The following AP5M1 variants were observed in gnomAD, a reference collection of about 807,000 sequenced individuals.
AP5M1 encodes the protein adaptor related protein complex 5 subunit mu 1, also known as AP-5 complex subunit mu-1.
AP5M1 carries 44 observed loss-of-function variants against 52.3 expected under a neutral mutation model. That is an observed-to-expected ratio of 0.84 (90% confidence interval 0.66 to 1.08). The LOEUF is 1.08. Ranked by LOEUF, AP5M1 falls within the 50% of genes least tolerant of loss-of-function variation. The pLI is 0.00. For missense variants in AP5M1, 526 were observed against 568.4 expected (o/e 0.93, Z 0.76); for synonymous variants, 213 against 199.0 (o/e 1.07, Z -0.59).
intron 7 of AP5M1, 180 bp downstream of exon 7, chr14:57,286,499 T>G (rs1885312640): frequency 6.0e-6 from 3 of 500,434 alleles, no homozygotes; most frequent in Admixed American, 3.7e-5. Context: ...CTCTGCCGCC[T>G]TCTTGTTTAT....
rs183816170 is a variant in AP5M1, at chr14:57,298,721, A to C, written c.*9837A>C. The C allele has an allele frequency of 4.9e-4, 74 of 152,274 alleles. No homozygotes were observed. Among genetic ancestry groups the C allele is most frequent in the African/African-American group, 1.8e-3 (74 of 41,568 alleles). 9.4% of individuals were successfully genotyped at this position (152,274 alleles called of 1,614,324 possible). On this transcript the variant is annotated 3_prime_UTR_variant, in exon 8 of 8. Transcript: ENST00000261558. Reference sequence around the variant, plus strand: ...GTTGCTTGAATGGGTGTTTGGAGTTAATAAAATGGCTGTACAATTGAGTGG... The same window carrying C: ...GTTGCTTGAATGGGTGTTTGGAGTTCATAAAATGGCTGTACAATTGAGTGG...
rs986757698 is a variant in AP5M1, at chr14:57,293,002, G to T, written c.*4118G>T. On this transcript the variant is annotated 3_prime_UTR_variant, in exon 8 of 8. Transcript: ENST00000261558. ...AAGTGACAGCATTACCAAAATAGCC[G>T]AGTAATTAAATTTTTTCTGCCTGCC... The T allele has an allele frequency of 6.6e-6, 1 of 151,222 alleles. No individual in the cohort carries two copies. The highest frequency in any genetic ancestry group is 1.5e-5 in the Non-Finnish European group (1 of 67,634). 9.4% of individuals were successfully genotyped at this position (151,222 alleles called of 1,614,324 possible). A position where few individuals can be genotyped will look rare whatever the true frequency, so the allele number is the denominator to read the frequency against.
chr14:57,292,619 A>G lies in AP5M1; in HGVS notation c.*3735A>G, dbSNP rs144236670. On this transcript the variant is annotated 3_prime_UTR_variant, in exon 8 of 8. Coordinates refer to ENST00000261558, the MANE Select transcript of AP5M1 (RefSeq NM_018229.4). Reference sequence around the variant, plus strand: ...TGAAGAAAGAAGAAACAAAGACTACATTCTAAGTATTGCTTCTAGTTTTGT... The same window carrying G: ...TGAAGAAAGAAGAAACAAAGACTACGTTCTAAGTATTGCTTCTAGTTTTGT... 30 of 151,996 alleles carry G rather than the reference A, an allele frequency of 2.0e-4. No homozygotes were observed. The highest frequency in any genetic ancestry group is 6.5e-4 in the African/African-American group (27 of 41,550). The allele number at this position is 151,996 out of a possible 1,614,324, so 9.4% of individuals were successfully genotyped here.
rs1884929643 is a variant in AP5M1 at position 57,272,972 on chromosome 14, G to A, written c.75-1272G>A. 2.6e-5 allele frequency among the ~76,000 whole-genome samples: 4 copies of A among 151,958 alleles called. No homozygotes were observed. In the South Asian group the frequency reaches 8.3e-4, roughly 32 times the overall value. ...GATGGAGTCTCACTCTGTTGCCCAGGGTGGAGTGCAGTGTCACAATCTCGG... is the reference window on the plus strand; with the variant it reads ...GATGGAGTCTCACTCTGTTGCCCAGAGTGGAGTGCAGTGTCACAATCTCGG... On this transcript the variant is annotated intron_variant, in intron 1 of 7. Transcript: ENST00000261558.
rs1884987899 is a variant in AP5M1 at position 57,274,907 on chromosome 14, T to C, written c.720+18T>C. 6.2e-7 allele frequency: 1 copy of C among 1,613,758 alleles called. No individual in the cohort carries two copies. The highest frequency in any genetic ancestry group is 8.5e-7 in the Non-Finnish European group (1 of 1,179,824). Reference sequence around the variant, plus strand: ...CTTGCAAGGTGAGATTTTTCTCTGGTACTTGCTTTATCGTTTTATTTAACA... The same window carrying C: ...CTTGCAAGGTGAGATTTTTCTCTGGCACTTGCTTTATCGTTTTATTTAACA... On this transcript the variant is annotated intron_variant, in intron 2 of 7. Transcript: ENST00000261558.
rs943309609 is a variant in AP5M1, at chr14:57,294,226, A to T, written c.*5342A>T. The stretch of plus-strand genomic sequence containing the variant: ...TACAGATGGACAAATGCTCCACACT[A>T]AAAACCACCTGCTGAATTTTTTTTC... On this transcript the variant is annotated 3_prime_UTR_variant, in exon 8 of 8. Transcript: ENST00000261558. 1 of 151,838 alleles carries T rather than the reference A, an allele frequency of 6.6e-6. No individual in the cohort carries two copies. Among genetic ancestry groups the T allele is most frequent in the African/African-American group, 2.4e-5 (1 of 41,414 alleles). The allele number at this position is 151,838 out of a possible 1,614,324, so 9.4% of individuals were successfully genotyped here. A position where few individuals can be genotyped will look rare whatever the true frequency, so the allele number is the denominator to read the frequency against.
intron 6 of AP5M1, among the ~76,000 whole-genome samples, chr14:57,285,818 A>G (rs1215204871): frequency 2.0e-5 from 3 of 152,172 alleles, no homozygotes; most frequent in African/African-American, 7.2e-5. Flanking sequence ...AGACAGTAGC[A>G]CGGGGGAGAC....
At chr14:57,288,519 CGAAAAAGA>C (rs1885361570) in intron 7 of AP5M1, among the ~76,000 whole-genome samples, 1 of 151,494 alleles carries the variant, frequency 6.6e-6, no homozygotes, top group African/African-American at 2.4e-5. Context: ...ATGGTCCATA[CGAAAAAGA>C]TTTTAGAGAA....
chr14:57,278,633 T>G (rs1885095672), intron 2 of AP5M1: 1 of 152,220 alleles, frequency 6.6e-6, no homozygotes, highest in Non-Finnish European at 1.5e-5. Flanking sequence ...TGATACAGAA[T>G]GTAAGGCTTC....
At chr14:57,285,383 T>C (rs1328195170) in intron 6 of AP5M1, among the ~76,000 whole-genome samples, 2 of 152,212 alleles carry the variant, frequency 1.3e-5, no homozygotes, top group East Asian at 1.9e-4. Context: ...ATTGAAAGCA[T>C]GTAGCACATA....
At position 57,282,155 on chromosome 14, in the gene AP5M1, A is replaced by T. The variant is rs1885195996; in HGVS notation, c.1015A>T (p.Ile339Phe). Reference sequence around the variant, plus strand: ...GGAAGAAGTACAACTAAGAATAACCATTAATTTAAAACTTCATGAAAGTGT... The same window carrying T: ...GGAAGAAGTACAACTAAGAATAACCTTTAATTTAAAACTTCATGAAAGTGT... ...KEEEVQLRIT[I>F]NLKLHESVKN... Residue 339 changes from isoleucine to phenylalanine, a missense_variant, in exon 4 of 8, where the codon ATT (isoleucine) becomes TTT (phenylalanine). This residue lies in a region of AP5M1 where 425 missense variants were observed against 430.6 expected (regional missense o/e 0.99). Coordinates refer to ENST00000261558, the MANE Select transcript of AP5M1 (RefSeq NM_018229.4). The T allele has an allele frequency of 1.3e-6, 2 of 1,582,412 alleles. No homozygotes were observed. The highest frequency in any genetic ancestry group is 1.9e-5 in the Admixed American group (1 of 52,622).
chr14:57,270,793 C>T (rs990267903), intron 1 of AP5M1, among the ~76,000 whole-genome samples: 1 of 152,178 alleles, frequency 6.6e-6, no homozygotes, highest in African/African-American at 2.4e-5. Flanking sequence ...TCATTGTATG[C>T]ATTTTTCAAA....
chr14:57,290,764 G>T lies in AP5M1; in HGVS notation c.*1880G>T, dbSNP rs1427627266. On this transcript the variant is annotated 3_prime_UTR_variant, in exon 8 of 8. Coordinates refer to ENST00000261558, the MANE Select transcript of AP5M1 (RefSeq NM_018229.4). ...CCAACTTAGGTTTTCATCCCATTGA[G>T]ATCAGCTGGGCACACTGTGATGCTT... 2.0e-5 allele frequency: 3 copies of T among 151,864 alleles called. No individual in the cohort carries two copies. The East Asian group carries it at 5.8e-4, about 29-fold the overall frequency. 9.4% of individuals were successfully genotyped at this position (151,864 alleles called of 1,614,324 possible). A position where few individuals can be genotyped will look rare whatever the true frequency, so the allele number is the denominator to read the frequency against.
In AP5M1 at chr14:57,291,106, T is replaced by C. The variant is rs1885425482; in HGVS notation, c.*2222T>C. Reference sequence around the variant, plus strand: ...AAGCTATAAGACACTCTAAGAGTCCTTTCTTGGGTTAAAACTTCAATCATT... The same window carrying C: ...AAGCTATAAGACACTCTAAGAGTCCCTTCTTGGGTTAAAACTTCAATCATT... On this transcript the variant is annotated 3_prime_UTR_variant, in exon 8 of 8. Transcript: ENST00000261558. 6.6e-6 allele frequency: 1 copy of C among 152,000 alleles called. No individual in the cohort carries two copies. The highest frequency in any genetic ancestry group is 6.6e-5 in the Admixed American group (1 of 15,230). The allele number at this position is 152,000 out of a possible 1,614,324, so 9.4% of individuals were successfully genotyped here. A position where few individuals can be genotyped will look rare whatever the true frequency, so the allele number is the denominator to read the frequency against.
At chr14:57,285,885 C>A (rs1216220310) in intron 6 of AP5M1, among the ~76,000 whole-genome samples, 1 of 152,128 alleles carries the variant, frequency 6.6e-6, no homozygotes, top group Non-Finnish European at 1.5e-5. Context: ...CTGCTGCTTA[C>A]GTGCTGGGAT....
rs1721721699 is a variant in AP5M1 at position 57,290,951 on chromosome 14, T to G, written c.*2067T>G. 6.6e-6 allele frequency: 1 copy of G among 151,904 alleles called. No homozygotes were observed. Among genetic ancestry groups the G allele is most frequent in the African/African-American group, 2.4e-5 (1 of 41,404 alleles). 9.4% of individuals were successfully genotyped at this position (151,904 alleles called of 1,614,324 possible). On this transcript the variant is annotated 3_prime_UTR_variant, in exon 8 of 8. Coordinates refer to ENST00000261558, the MANE Select transcript of AP5M1 (RefSeq NM_018229.4). Reference sequence around the variant, plus strand: ...CAACTAATCCTGAGCTATTTTGTATTCCTTACTCATCTTTAAGGCTGGACC... The same window carrying G: ...CAACTAATCCTGAGCTATTTTGTATGCCTTACTCATCTTTAAGGCTGGACC...
In AP5M1 at chr14:57,290,855, G is replaced by A. The variant is rs1262855865; in HGVS notation, c.*1971G>A. The A allele has an allele frequency of 6.6e-6, 1 of 151,916 alleles. No homozygotes were observed. The highest frequency in any genetic ancestry group is 1.5e-5 in the Non-Finnish European group (1 of 67,886). The allele number at this position is 151,916 out of a possible 1,614,324, so 9.4% of individuals were successfully genotyped here. A position where few individuals can be genotyped will look rare whatever the true frequency, so the allele number is the denominator to read the frequency against. On this transcript the variant is annotated 3_prime_UTR_variant, in exon 8 of 8. Coordinates refer to ENST00000261558, the MANE Select transcript of AP5M1 (RefSeq NM_018229.4). ...GAAGACAAAGTCTGTTTCCCGTTTG[G>A]TAGGTGACCTGTTTAATGTTTTCCC...
At chr14:57,283,444 C>A (rs1017030858) in intron 6 of AP5M1, among the ~76,000 whole-genome samples, 10 of 152,040 alleles carry the variant, frequency 6.6e-5, no homozygotes, top group African/African-American at 9.7e-5. Flanking sequence ...TTTAAAAAGC[C>A]AGGCATAGTG....
In AP5M1 at chr14:57,295,679, CT is replaced by C. The variant is rs1885535849; in HGVS notation, c.*6796del. On this transcript the variant is annotated 3_prime_UTR_variant, in exon 8 of 8. Transcript: ENST00000261558. ...AGTGCCAAACTTAATGTTACCTTCT[CT>C]GCTAAAGATTTTTGTCTCTAGGAAA... The C allele has an allele frequency of 1.3e-5, 2 of 151,200 alleles. No homozygotes were observed. The highest frequency in any genetic ancestry group is 3.9e-4 in the East Asian group (2 of 5,152). 9.4% of individuals were successfully genotyped at this position (151,200 alleles called of 1,614,324 possible). A position where few individuals can be genotyped will look rare whatever the true frequency, so the allele number is the denominator to read the frequency against.
Sources: gnomAD v4.1 joint callset for allele counts (sites outside exome capture counted in the v4.1 genomes callset) on GRCh38, gnomAD v4.1.1 for gene constraint, gnomAD v4.1.1 regional missense constraint, MANE v1.5 for transcripts, NCBI Gene and HGNC (gene_info 2026-07-23, HGNC 2026-07-21) for gene names.